The following PLPPR1 variants were observed in gnomAD, a reference collection of about 807,000 sequenced individuals.
The protein encoded by PLPPR1 is phospholipid phosphatase related 1, also known as phospholipid phosphatase-related protein type 1.
PLPPR1 carries 10 observed loss-of-function variants against 33.1 expected under a neutral mutation model. The ratio of observed to expected loss-of-function variants is 0.30; its 90% confidence interval spans 0.19 to 0.51. PLPPR1 has a LOEUF of 0.51. Ranked by LOEUF, PLPPR1 falls within the 20% of genes least tolerant of loss-of-function variation. The pLI, the probability that PLPPR1 is intolerant of heterozygous loss-of-function variation, is 0.97. For synonymous variants in PLPPR1, 151 were observed against 151.0 expected, an observed-to-expected ratio of 1.00 and a Z score of 0.00; for missense variants, 304 against 408.1, an observed-to-expected ratio of 0.74 and a Z score of 2.20.
Position 101,117,458 on chromosome 9 carries a change from T to A in PLPPR1, c.-45-67992T>A, listed in dbSNP as rs547742990. Among the ~76,000 whole-genome samples, 335 of 152,308 alleles carry A rather than the reference T, an allele frequency of 2.2e-3. 1 individual carries two copies. The highest frequency in any genetic ancestry group is 3.5e-3 in the Admixed American group (54 of 15,306). On this transcript the variant is annotated intron_variant, in intron 1 of 7. Coordinates refer to ENST00000374874, the MANE Select transcript of PLPPR1 (RefSeq NM_207299.2). ...GGCAATGTCAGGAAGTTACCCTATATGATCTAAAAAGGGGAGGAAGCTTCA... is the reference window on the plus strand; with the variant it reads ...GGCAATGTCAGGAAGTTACCCTATAAGATCTAAAAAGGGGAGGAAGCTTCA...
intron 2 of PLPPR1, among the ~76,000 whole-genome samples, chr9:101,222,836 C>T (rs1207642018): frequency 6.6e-6 from 1 of 151,938 alleles, no homozygotes; most frequent in African/African-American, 2.4e-5. Flanking sequence ...CCCCCGCCCC[C>T]GCCATGATAG....
intron 1 of PLPPR1, among the ~76,000 whole-genome samples, chr9:101,036,954 G>A (rs1255891218): frequency 6.6e-6 from 1 of 152,088 alleles, no homozygotes; most frequent in Non-Finnish European, 1.5e-5. Context: ...CCGCTGGACT[G>A]AAAACCTGAT....
At chr9:101,070,441 C>A (rs1034459336) in intron 1 of PLPPR1, among the ~76,000 whole-genome samples, 1 of 151,970 alleles carries the variant, frequency 6.6e-6, no homozygotes. Flanking sequence ...CGCAAAAAAA[C>A]CAGAAAAGGA....
chr9:101,311,858 G>T (rs1170825810), intron 5 of PLPPR1, among the ~76,000 whole-genome samples: 2 of 152,130 alleles, frequency 1.3e-5, no homozygotes, highest in South Asian at 2.1e-4. Flanking sequence ...AGAAATGATA[G>T]ACCAATGGTG....
At chr9:101,155,335 G>A (rs565698572) in intron 1 of PLPPR1, among the ~76,000 whole-genome samples, 1 of 152,270 alleles carries the variant, frequency 6.6e-6, no homozygotes, top group African/African-American at 2.4e-5. Context: ...TTTATTTCTT[G>A]CAGTTACAGA....
At chr9:101,239,442 AC>A (rs1328854010) in intron 2 of PLPPR1, among the ~76,000 whole-genome samples, 11 of 151,892 alleles carry the variant, frequency 7.2e-5, no homozygotes, top group Admixed American at 2.6e-4. Context: ...GATAATTCAT[AC>A]CCCAAATCTC....
At chr9:101,237,810 T>G (rs1827337666) in intron 2 of PLPPR1, among the ~76,000 whole-genome samples, 1 of 97,482 alleles carries the variant, frequency 1.0e-5, no homozygotes, top group Admixed American at 1.0e-4. Flanking sequence ...AGTATTCCAT[T>G]GTGTGCATAT....
intron 1 of PLPPR1, among the ~76,000 whole-genome samples, chr9:101,136,569 C>T (rs1831379575): frequency 6.6e-6 from 1 of 152,198 alleles, no homozygotes; most frequent in African/African-American, 2.4e-5. Flanking sequence ...ACTCATAAAT[C>T]TCTTCCTTTC....
At chr9:101,207,013 C>T (rs930276315) in intron 2 of PLPPR1, among the ~76,000 whole-genome samples, 2 of 152,108 alleles carry the variant, frequency 1.3e-5, no homozygotes, top group Non-Finnish European at 2.9e-5. Context: ...TATAAACATG[C>T]AATAAGTACT....
chr9:101,093,628 T>C (rs541442602), intron 1 of PLPPR1, among the ~76,000 whole-genome samples: 1 of 152,328 alleles, frequency 6.6e-6, no homozygotes, highest in East Asian at 1.9e-4. Flanking sequence ...TACTTTAACT[T>C]TAAAATTTTC....
intron 1 of PLPPR1, among the ~76,000 whole-genome samples, chr9:101,039,653 C>A (rs1830052245): frequency 6.6e-6 from 1 of 152,094 alleles, no homozygotes; most frequent in African/African-American, 2.4e-5. Flanking sequence ...GCTGGGGAAG[C>A]CTCACAATCA....
At chr9:101,130,725 T>A (rs1032929010) in intron 1 of PLPPR1, among the ~76,000 whole-genome samples, 4 of 152,204 alleles carry the variant, frequency 2.6e-5, no homozygotes, top group Admixed American at 2.6e-4. Flanking sequence ...CCATTCTCCA[T>A]CACTTGTGCT....
At chr9:101,195,103 G>A (rs1564172255) in intron 2 of PLPPR1, among the ~76,000 whole-genome samples, 1 of 152,122 alleles carries the variant, frequency 6.6e-6, no homozygotes, top group Non-Finnish European at 1.5e-5. Context: ...GTTGGTATCT[G>A]CATCTCAACA....
At chr9:101,109,245 A>T (rs1831020242) in intron 1 of PLPPR1, among the ~76,000 whole-genome samples, 1 of 145,480 alleles carries the variant, frequency 6.9e-6, no homozygotes. Flanking sequence ...AAGTGCTGGG[A>T]TTACAGGTGT....
intron 2 of PLPPR1, among the ~76,000 whole-genome samples, chr9:101,213,518 T>C: frequency 6.6e-6 from 1 of 152,216 alleles, no homozygotes; most frequent in East Asian, 1.9e-4. Flanking sequence ...ATGTCAACTT[T>C]ATAAATTAAA....
intron 1 of PLPPR1, among the ~76,000 whole-genome samples, chr9:101,086,888 T>G (rs375199919): frequency 2.3e-4 from 35 of 152,038 alleles, no homozygotes; most frequent in African/African-American, 8.0e-4. Flanking sequence ...AATAAAAAAA[T>G]ATTTGAAAGT....
intron 5 of PLPPR1, among the ~76,000 whole-genome samples, chr9:101,309,929 C>T (rs1416748448): frequency 6.6e-6 from 1 of 152,074 alleles, no homozygotes; most frequent in Non-Finnish European, 1.5e-5. Context: ...ACATGCAGAC[C>T]CAGGATACAC....
chr9:101,255,698 T>A (rs190900739), intron 2 of PLPPR1, among the ~76,000 whole-genome samples: 138 of 152,306 alleles, frequency 9.1e-4, no homozygotes, highest in Non-Finnish European at 1.4e-3. Context: ...CTGCCTGGGA[T>A]TCAAAGATGA....
chr9:101,168,946 A>G (rs528130728), intron 1 of PLPPR1, among the ~76,000 whole-genome samples: 2 of 152,282 alleles, frequency 1.3e-5, no homozygotes, highest in East Asian at 3.9e-4. Flanking sequence ...ATGGCAATGT[A>G]ATAGGGGTTT....
Sources: allele counts gnomAD v4.1 joint callset (sites outside exome capture counted in the v4.1 genomes callset), GRCh38; gene constraint gnomAD v4.1.1; transcripts MANE v1.5; gene names NCBI Gene and HGNC (gene_info 2026-07-23, HGNC 2026-07-21).